The following MAP3K14 variants were observed in gnomAD, a reference collection of about 807,000 sequenced individuals.
MAP3K14 encodes the protein NF-kappa-beta-inducing kinase.
MAP3K14 carries 16 observed loss-of-function variants against 99.2 expected under a neutral mutation model. The ratio of observed to expected loss-of-function variants is 0.16; its 90% CI spans 0.11 to 0.24. MAP3K14 has a LOEUF of 0.24. MAP3K14 is among the 10% of genes least tolerant of loss of function. The probability of loss-of-function intolerance (pLI) is 1.00; values close to 1 mark genes in which losing one functional copy is unlikely to be tolerated. For missense variants in MAP3K14, 784 were observed against 1,208.7 expected (o/e 0.65, Z 5.21); for synonymous variants, 462 against 492.4 (o/e 0.94, Z 0.82).
At chr17:45,302,747 C>T (rs1392833533) in intron 1 of MAP3K14, among the ~76,000 whole-genome samples, 1 of 152,236 alleles carries the variant, frequency 6.6e-6, no homozygotes, top group African/African-American at 2.4e-5. Context: ...CGTGTGCGCG[C>T]ACATGCACAC....
chr17:45,268,090 G>A lies in MAP3K14; in HGVS notation c.1973-331C>T, dbSNP rs138023320. The A allele has an allele frequency of 7.7e-3, 2,048 of 266,344 alleles. 33 individuals are homozygous for A. Among genetic ancestry groups the A allele is most frequent in the Middle Eastern group, 0.051 (43 of 848 alleles). The allele number at this position is 266,344 out of a possible 1,614,324, so 16.5% of individuals were successfully genotyped here. A position where few individuals can be genotyped will look rare whatever the true frequency, so the allele number is the denominator to read the frequency against. On this transcript the variant is annotated intron_variant, in intron 11 of 15. Coordinates refer to ENST00000344686, the MANE Select transcript of MAP3K14 (RefSeq NM_003954.5). ...GAAAGAGAAGATTGAAAACAGCCCTGGGGCTACACCAACTCAAGAGCTCCC... is the reference window on the plus strand; with the variant it reads ...GAAAGAGAAGATTGAAAACAGCCCTAGGGCTACACCAACTCAAGAGCTCCC...
intron 6 of MAP3K14, among the ~76,000 whole-genome samples, chr17:45,283,459 A>G (rs1228439887): frequency 6.6e-6 from 1 of 152,206 alleles, no homozygotes; most frequent in Non-Finnish European, 1.5e-5. Flanking sequence ...TGGTACCTGC[A>G]GATAGTCCCC....
Position 45,271,181 on chromosome 17 carries a change from C to T in MAP3K14, c.1698G>A (p.Glu566=). Residue 566 remains glutamate, a synonymous_variant, in exon 10 of 16, where the codon GAG becomes GAA. Transcript: ENST00000344686. ...IPGTETHMAP[E]VVLGRSCDAK... Reference sequence around the variant, plus strand: ...CGTCGCAGCTCCTGCCCAGCACCACCTCCGGAGCCATGTGGGTCTCTGTGC... The same window carrying T: ...CGTCGCAGCTCCTGCCCAGCACCACTTCCGGAGCCATGTGGGTCTCTGTGC... 1.2e-6 allele frequency: 2 copies of T among 1,613,108 alleles called. No homozygotes were observed. Among genetic ancestry groups the T allele is most frequent in the Non-Finnish European group, 1.7e-6 (2 of 1,179,672 alleles).
At chr17:45,273,992 C>G in intron 8 of MAP3K14, 131 bp downstream of exon 8, 1 of 1,067,398 alleles carries the variant, frequency 9.4e-7, no homozygotes, top group Middle Eastern at 2.1e-4. Flanking sequence ...CCTACAGGCA[C>G]AGTCCTGTCA....
At chr17:45,311,423 C>T (rs1379468026) in intron 1 of MAP3K14, among the ~76,000 whole-genome samples, 1 of 152,198 alleles carries the variant, frequency 6.6e-6, no homozygotes, top group African/African-American at 2.4e-5. Flanking sequence ...TTATAGATGT[C>T]CCTGACCATA....
intron 1 of MAP3K14, among the ~76,000 whole-genome samples, chr17:45,300,737 A>C (rs1220716504): frequency 2.0e-5 from 3 of 152,210 alleles, no homozygotes; most frequent in Non-Finnish European, 4.4e-5. Context: ...TCATTCAATG[A>C]AACAATGTAG....
At chr17:45,298,278 G>C (rs371184778) in intron 1 of MAP3K14, among the ~76,000 whole-genome samples, 4 of 152,182 alleles carry the variant, frequency 2.6e-5, no homozygotes, top group African/African-American at 9.6e-5. Flanking sequence ...CTGATACAAG[G>C]CAAGGCAAGG....
chr17:45,264,846 C>A (rs764185210), intron 15 of MAP3K14, 46 bp from the exon 16 acceptor site: 21 of 1,587,620 alleles, frequency 1.3e-5, no homozygotes, highest in Non-Finnish European at 1.7e-5. Context: ...GCATAGGGCT[C>A]AAGCCATGTA....
chr17:45,298,642 T>C (rs1471310065), intron 1 of MAP3K14, among the ~76,000 whole-genome samples: 1 of 152,222 alleles, frequency 6.6e-6, no homozygotes, highest in African/African-American at 2.4e-5. Flanking sequence ...GGCTTTATGT[T>C]GAGTAAGGTC....
chr17:45,271,003 G>C (rs1170068701), intron 10 of MAP3K14, 55 bp downstream of exon 10: 4 of 1,580,596 alleles, frequency 2.5e-6, no homozygotes, highest in Non-Finnish European at 1.7e-6. Flanking sequence ...CCTGCAGCCT[G>C]GGCCCCAGGG....
intron 1 of MAP3K14, among the ~76,000 whole-genome samples, chr17:45,293,075 A>G (rs1443052785): frequency 1.3e-5 from 2 of 152,222 alleles, no homozygotes. Flanking sequence ...CCCAGTGTAT[A>G]GCACAGGGGC....
chr17:45,277,626 C>T (rs2143799772), intron 6 of MAP3K14, among the ~76,000 whole-genome samples: 1 of 152,306 alleles, frequency 6.6e-6, no homozygotes, highest in East Asian at 1.9e-4. Context: ...TAGCAAATGT[C>T]TTCAGCCTAA....
intron 1 of MAP3K14, among the ~76,000 whole-genome samples, chr17:45,301,340 G>A (rs559951435): frequency 6.6e-5 from 10 of 152,236 alleles, no homozygotes; most frequent in Non-Finnish European, 1.3e-4. Flanking sequence ...GCACATGCCT[G>A]TAATCCCAGC....
intron 3 of MAP3K14, among the ~76,000 whole-genome samples, chr17:45,288,203 A>G (rs2044282889): frequency 6.6e-6 from 1 of 152,124 alleles, no homozygotes; most frequent in South Asian, 2.1e-4. Context: ...AGAGGCTCCT[A>G]CCCTGGGCCA....
chr17:45,266,396 G>C (rs2044082595), intron 14 of MAP3K14, 141 bp downstream of exon 14: 1 of 1,113,800 alleles, frequency 9.0e-7, no homozygotes, highest in Non-Finnish European at 1.3e-6. Context: ...TTACTGGCCA[G>C]GAACCTCAAG....
intron 6 of MAP3K14, among the ~76,000 whole-genome samples, chr17:45,275,242 C>T (rs2044170311): frequency 6.6e-6 from 1 of 151,996 alleles, no homozygotes; most frequent in Admixed American, 6.6e-5. Flanking sequence ...GCGGGTGGAT[C>T]AAGGAGATCG....
chr17:45,300,760 T>G (rs952130889), intron 1 of MAP3K14, among the ~76,000 whole-genome samples: 5 of 152,164 alleles, frequency 3.3e-5, no homozygotes, highest in African/African-American at 4.8e-5. Flanking sequence ...GAAGGAACTC[T>G]GGGAACAATA....
At chr17:45,312,943 C>A (rs1598269564) in intron 1 of MAP3K14, among the ~76,000 whole-genome samples, 2 of 152,174 alleles carry the variant, frequency 1.3e-5, no homozygotes. Context: ...CCTTTCCTCA[C>A]CTCCAGGATT....
At chr17:45,307,873 C>A (rs1473053942) in intron 1 of MAP3K14, among the ~76,000 whole-genome samples, 1 of 152,248 alleles carries the variant, frequency 6.6e-6, no homozygotes, top group African/African-American at 2.4e-5. Context: ...TGGAAGGAGG[C>A]ACAGGTCCAG....
Sources: gnomAD v4.1 joint callset for allele counts (sites outside exome capture counted in the v4.1 genomes callset) on GRCh38, gnomAD v4.1.1 for gene constraint, MANE v1.5 for transcripts, NCBI Gene and HGNC (gene_info 2026-07-23, HGNC 2026-07-21) for gene names.